Variants in PMFBP1 observed in about 807,000 individuals in gnomAD.
PMFBP1 encodes the protein polyamine-modulated factor 1-binding protein 1.
A neutral mutation model predicts 137.8 loss-of-function variants in PMFBP1; 131 were observed. The ratio of observed to expected loss-of-function variants is 0.95; its 90% CI spans 0.82 to 1.10. The LOEUF is 1.10. Among genes scored for constraint, PMFBP1 ranks in the 50% least tolerant of loss-of-function variants. The probability of loss-of-function intolerance (pLI) is 0.00; values close to 1 mark genes in which losing one functional copy is unlikely to be tolerated. For missense variants in PMFBP1, 1,199 were observed against 1,175.4 expected, an observed-to-expected ratio of 1.02 and a Z score of -0.29; for synonymous variants, 490 against 450.4, an observed-to-expected ratio of 1.09 and a Z score of -1.11.
chr16:72,220,915 C>T, the PMFBP1 span, among the ~76,000 whole-genome samples: 1 of 152,188 alleles, frequency 6.6e-6, no homozygotes, highest in African/African-American at 2.4e-5. Context: ...AAAGTACCCC[C>T]TGGACATCTT....
At chr16:72,244,216 T>TA in the PMFBP1 span, among the ~76,000 whole-genome samples, 40 of 152,028 alleles carry the variant, frequency 2.6e-4, no homozygotes, top group Non-Finnish European at 4.4e-4. Flanking sequence ...AAATACTTAT[T>TA]AAAAAAACAA....
At chr16:72,190,033 A>C in the PMFBP1 span, among the ~76,000 whole-genome samples, 1 of 152,134 alleles carries the variant, frequency 6.6e-6, no homozygotes, top group East Asian at 1.9e-4. Flanking sequence ...AAATCTCAAA[A>C]AACCAATCTT....
At chr16:72,206,452 T>A in the PMFBP1 span, among the ~76,000 whole-genome samples, 1 of 152,218 alleles carries the variant, frequency 6.6e-6, no homozygotes, top group Non-Finnish European at 1.5e-5. Context: ...AAGTCACTCC[T>A]GATACTGCTG....
Position 72,126,147 on chromosome 16 carries a change from A to G in PMFBP1, c.2089-15T>C, listed in dbSNP as rs535159194. On this transcript the variant is annotated splice_polypyrimidine_tract_variant and intron_variant, in intron 14 of 20. Transcript: ENST00000237353. ...TGAAGGGCTATCTTTAAGGAGGGAG[A>G]GCAGAACTGTCAGGGTGCCAGGTCA... The G allele has an allele frequency of 6.2e-7, 1 of 1,612,888 alleles. No homozygotes were observed. Among genetic ancestry groups the G allele is most frequent in the South Asian group, 1.1e-5 (1 of 90,972 alleles).
Position 72,130,296 on chromosome 16 carries a change from C to A in PMFBP1, c.1699G>T (p.Asp567Tyr). ...TTCTGAAGCTGCCTCTTTTCCTTGT[C>A]TGAATTTTCAAGCTTCCTCAGGGCT... ...SEALRKLENSDKEKRQLQKTV... is the reference protein window; with the variant it reads ...SEALRKLENSYKEKRQLQKTV... The change falls in exon 12 of 21, where the codon GAC becomes TAC. Residue 567 changes from aspartate to tyrosine, a missense_variant. Physicochemically the swap from Asp to Tyr is radical, Grantham distance 160. Transcript: ENST00000237353. 1 of 1,614,238 alleles carries A rather than the reference C, an allele frequency of 6.2e-7. No homozygotes were observed. Among genetic ancestry groups the A allele is most frequent in the Non-Finnish European group, 8.5e-7 (1 of 1,180,046 alleles).
chr16:72,219,508 C>T, the PMFBP1 span, among the ~76,000 whole-genome samples: 1 of 151,864 alleles, frequency 6.6e-6, no homozygotes, highest in African/African-American at 2.4e-5. Context: ...TGGGGCCCGG[C>T]AGAAGACTGA....
At chr16:72,149,708 A>C (rs1286566329) in intron 5 of PMFBP1, among the ~76,000 whole-genome samples, 1 of 152,192 alleles carries the variant, frequency 6.6e-6, no homozygotes, top group Admixed American at 6.5e-5. Flanking sequence ...CTGTAGTCCC[A>C]GATACTCTGG....
chr16:72,229,612 T>C, the PMFBP1 span, among the ~76,000 whole-genome samples: 3 of 152,146 alleles, frequency 2.0e-5, no homozygotes, highest in African/African-American at 4.8e-5. Context: ...ATTAGTGACA[T>C]TGAGTATTTT....
chr16:72,205,064 G>C, the PMFBP1 span, among the ~76,000 whole-genome samples: 1 of 152,182 alleles, frequency 6.6e-6, no homozygotes, highest in Non-Finnish European at 1.5e-5. Flanking sequence ...TGACAGGCCA[G>C]GACACTCTGG....
At chr16:72,165,550 T>G (rs1490982867) in intron 2 of PMFBP1, among the ~76,000 whole-genome samples, 1 of 151,782 alleles carries the variant, frequency 6.6e-6, no homozygotes, top group African/African-American at 2.4e-5. Flanking sequence ...TCCTGAGTAG[T>G]TGGGACTACA....
At chr16:72,199,336 A>G in the PMFBP1 span, among the ~76,000 whole-genome samples, 2 of 152,196 alleles carry the variant, frequency 1.3e-5, no homozygotes, top group African/African-American at 4.8e-5. Flanking sequence ...CAGAAAGTCT[A>G]TGTTGAACGT....
At chr16:72,172,893 G>C (rs900418219), upstream of PMFBP1, among the ~76,000 whole-genome samples, 1 of 152,170 alleles carries the variant, frequency 6.6e-6, no homozygotes, top group Admixed American at 6.5e-5. Context: ...CTTGATGCAG[G>C]ATTGCTACAA....
chr16:72,204,038 G>C, the PMFBP1 span, among the ~76,000 whole-genome samples: 1 of 152,114 alleles, frequency 6.6e-6, no homozygotes, highest in East Asian at 1.9e-4. Flanking sequence ...GCTTGGGATA[G>C]TTTTTCTTCC....
At chr16:72,140,827 C>T (rs1232387313) in intron 5 of PMFBP1, among the ~76,000 whole-genome samples, 7 of 151,360 alleles carry the variant, frequency 4.6e-5, no homozygotes, top group Non-Finnish European at 1.0e-4. Flanking sequence ...ACTCAGGTGT[C>T]CTTTTTGATG....
chr16:72,213,877 AG>A, the PMFBP1 span, among the ~76,000 whole-genome samples: 2 of 152,254 alleles, frequency 1.3e-5, no homozygotes, highest in East Asian at 3.8e-4. Context: ...TGCACTGGAA[AG>A]AAAACGCAAT....
chr16:72,232,963 G>T, the PMFBP1 span, among the ~76,000 whole-genome samples: 1 of 152,012 alleles, frequency 6.6e-6, no homozygotes, highest in Admixed American at 6.6e-5. Context: ...ATTTATACAA[G>T]ATATTGATAT....
chr16:72,150,764 C>A lies in PMFBP1; in HGVS notation c.480G>T (p.Ala160=), dbSNP rs373109383. 3 of 1,614,188 alleles carry A rather than the reference C, an allele frequency of 1.9e-6. No homozygotes were observed. Among genetic ancestry groups the A allele is most frequent in the East Asian group, 2.2e-5 (1 of 44,886 alleles). ...CCCCGGCCAAGGCGAGTTGCTCCTG[C>A]GCCAAATGGAGCTTCTCCCCTGTGT... ...NENTGEKLHL[A]QEQLALAGDK... Residue 160 remains alanine (A), a synonymous_variant, in exon 5 of 21, where the codon GCG becomes GCT. Transcript: ENST00000237353.
intron 4 of PMFBP1, among the ~76,000 whole-genome samples, chr16:72,152,896 C>A (rs935466657): frequency 7.3e-5 from 11 of 150,008 alleles, no homozygotes; most frequent in South Asian, 2.1e-4. Flanking sequence ...CTCCAGCAGG[C>A]ACCTCAGGTG....
intron 7 of PMFBP1, 56 bp downstream of exon 7, chr16:72,139,233 A>G: frequency 7.9e-7 from 1 of 1,267,868 alleles, no homozygotes; most frequent in Non-Finnish European, 1.1e-6. Context: ...GAAAGCCCAG[A>G]ATCAAACCCA....
Sources: gnomAD v4.1 joint callset for allele counts (sites outside exome capture counted in the v4.1 genomes callset) on GRCh38, gnomAD v4.1.1 for gene constraint, MANE v1.5 for transcripts, NCBI Gene and HGNC (gene_info 2026-07-23, HGNC 2026-07-21) for gene names.